The following PTPRD variants were observed in gnomAD, a reference collection of about 807,000 sequenced individuals.
PTPRD encodes protein tyrosine phosphatase receptor type D.
PTPRD carries 34 observed loss-of-function variants against 214.5 expected under a neutral mutation model. The ratio of observed to expected loss-of-function variants is 0.16; its 90% CI spans 0.12 to 0.21. The LOEUF is 0.21. PTPRD is among the 10% of genes least tolerant of loss of function. PTPRD has a pLI of 1.00. For synonymous variants in PTPRD, 1,128 were observed against 845.7 expected, an observed-to-expected ratio of 1.33 and a Z score of -5.79; for missense variants, 2,545 against 2,398.7, an observed-to-expected ratio of 1.06 and a Z score of -1.27.
chr9:8,892,659 GTGTATATATA>G (rs2098551119), intron 11 of PTPRD, among the ~76,000 whole-genome samples: 1 of 142,834 alleles, frequency 7.0e-6, no homozygotes, highest in African/African-American at 2.6e-5. Flanking sequence ...ATATATATGA[GTGTATATATA>G]TGTGTATATA....
chr9:10,469,534 C>T (rs1217061357), intron 2 of PTPRD, among the ~76,000 whole-genome samples: 3 of 151,924 alleles, frequency 2.0e-5, no homozygotes, highest in Non-Finnish European at 4.4e-5. Flanking sequence ...AAAGCTCACA[C>T]TAAAGTTCAG....
chr9:9,419,136 C>CACACAA (rs1555378630), intron 8 of PTPRD, among the ~76,000 whole-genome samples: 1 of 149,986 alleles, frequency 6.7e-6, no homozygotes, highest in Non-Finnish European at 1.5e-5. Context: ...TATACACACA[C>CACACAA]ACACACACAC....
At chr9:10,065,187 G>GAAAGAAAGAAAGAAAT (rs1204307146) in intron 3 of PTPRD, among the ~76,000 whole-genome samples, 1 of 151,658 alleles carries the variant, frequency 6.6e-6, no homozygotes, top group Non-Finnish European at 1.5e-5. Context: ...AAGAAAGAAA[G>GAAAGAAAGAAAGAAAT]AAAGAAAAGG....
At chr9:10,169,145 T>A (rs2099181715) in intron 3 of PTPRD, among the ~76,000 whole-genome samples, 1 of 152,100 alleles carries the variant, frequency 6.6e-6, no homozygotes. Context: ...ATTAATGTAT[T>A]GATGTCCAAA....
In PTPRD at chr9:9,175,641, A is replaced by C. The variant is rs5896307; in HGVS notation, c.-143+7663T>G. 5.2e-3 allele frequency among the ~76,000 whole-genome samples: 723 copies of C among 140,048 alleles called. 9 individuals are homozygous for C. Among genetic ancestry groups the C allele is most frequent in the African/African-American group, 7.5e-3 (284 of 37,980 alleles). The allele number at this position is 140,048 out of a possible 152,430, so 91.9% of individuals were successfully genotyped here. On this transcript the variant is annotated intron_variant, in intron 10 of 45. Coordinates refer to ENST00000381196, the MANE Select transcript of PTPRD (RefSeq NM_002839.4). ...CTGTCTCAAAAAAAAAAAAAAAAAA[A>C]AAAAAAAAAGAGTTTTAACAATTCT...
intron 11 of PTPRD, among the ~76,000 whole-genome samples, chr9:8,951,918 G>C (rs2099104047): frequency 6.6e-6 from 1 of 151,932 alleles, no homozygotes; most frequent in African/African-American, 2.4e-5. Flanking sequence ...GAATTCCAAA[G>C]AACTTACTAT....
At chr9:10,238,785 G>T (rs565454382) in intron 3 of PTPRD, among the ~76,000 whole-genome samples, 1 of 152,068 alleles carries the variant, frequency 6.6e-6, no homozygotes, top group East Asian at 1.9e-4. Flanking sequence ...AGAAACAAAA[G>T]TTGGGATAAT....
At chr9:10,500,871 G>A (rs767825119) in intron 2 of PTPRD, among the ~76,000 whole-genome samples, 13 of 151,758 alleles carry the variant, frequency 8.6e-5, no homozygotes, top group Non-Finnish European at 1.6e-4. Flanking sequence ...TATTGCGACC[G>A]ACAGAATATC....
At chr9:8,755,047 G>C (rs574700541) in intron 11 of PTPRD, among the ~76,000 whole-genome samples, 1 of 151,984 alleles carries the variant, frequency 6.6e-6, no homozygotes, top group Non-Finnish European at 1.5e-5. Context: ...TCAGAAACTC[G>C]ACACCAGTAC....
intron 3 of PTPRD, among the ~76,000 whole-genome samples, chr9:10,174,802 G>T (rs768940620): frequency 6.6e-6 from 1 of 151,952 alleles, no homozygotes; most frequent in Non-Finnish European, 1.5e-5. Flanking sequence ...TAATAAAAAA[G>T]TAACCCCATA....
chr9:10,403,119 A>C (rs1429789515), intron 2 of PTPRD, among the ~76,000 whole-genome samples: 1 of 150,574 alleles, frequency 6.6e-6, no homozygotes, highest in Non-Finnish European at 1.5e-5. Context: ...GGTGCAGTTA[A>C]ATTTTTAATA....
At chr9:8,785,082 C>T (rs146847005) in intron 11 of PTPRD, among the ~76,000 whole-genome samples, 22 of 152,250 alleles carry the variant, frequency 1.4e-4, no homozygotes, top group African/African-American at 5.3e-4. Flanking sequence ...CAGCTGGGCT[C>T]CTTATGAAGC....
chr9:9,914,004 C>T (rs902227434), intron 5 of PTPRD, among the ~76,000 whole-genome samples: 3 of 152,178 alleles, frequency 2.0e-5, no homozygotes, highest in Non-Finnish European at 4.4e-5. Context: ...GACTCTGGGC[C>T]TAGGATCAGC....
At chr9:8,972,920 A>G (rs1274376232) in intron 11 of PTPRD, among the ~76,000 whole-genome samples, 1 of 151,822 alleles carries the variant, frequency 6.6e-6, no homozygotes, top group Admixed American at 6.6e-5. Flanking sequence ...TCAATGTTTT[A>G]GAGACGTTTA....
intron 3 of PTPRD, among the ~76,000 whole-genome samples, chr9:10,166,006 T>G (rs1340852943): frequency 6.7e-6 from 1 of 149,832 alleles, no homozygotes; most frequent in Non-Finnish European, 1.5e-5. Flanking sequence ...TACAAAAGTA[T>G]TTATATATAA....
At chr9:9,970,993 T>C (rs1197449374) in intron 4 of PTPRD, among the ~76,000 whole-genome samples, 1 of 152,258 alleles carries the variant, frequency 6.6e-6, no homozygotes, top group African/African-American at 2.4e-5. Flanking sequence ...AAATACAAAA[T>C]GTTATTCAAG....
intron 4 of PTPRD, among the ~76,000 whole-genome samples, chr9:9,951,452 C>T (rs2093445116): frequency 1.3e-5 from 2 of 152,110 alleles, no homozygotes. Flanking sequence ...AAACAAAATT[C>T]ATGAGAAACT....
At chr9:9,128,742 G>A (rs188667042) in intron 10 of PTPRD, among the ~76,000 whole-genome samples, 7 of 152,206 alleles carry the variant, frequency 4.6e-5, no homozygotes, top group African/African-American at 1.2e-4. Flanking sequence ...TTTAGGTTTC[G>A]TGTAAAAGAC....
intron 8 of PTPRD, among the ~76,000 whole-genome samples, chr9:9,477,107 A>C (rs1217410129): frequency 6.6e-6 from 1 of 152,196 alleles, no homozygotes; most frequent in Non-Finnish European, 1.5e-5. Context: ...TCATTAAGTG[A>C]GTGATTCAGC....
Sources: allele counts gnomAD v4.1 joint callset (sites outside exome capture counted in the v4.1 genomes callset), GRCh38; gene constraint gnomAD v4.1.1; transcripts MANE v1.5; gene names NCBI Gene and HGNC (gene_info 2026-07-23, HGNC 2026-07-21).